Variants in C3 observed in about 807,000 individuals in gnomAD.
C3 encodes complement C3.
In C3, 97 loss-of-function variants were observed where a neutral mutation model predicts 207.9. That is an observed-to-expected ratio of 0.47 (90% CI 0.40 to 0.55). The LOEUF (loss-of-function observed/expected upper bound fraction) is 0.55. Among genes scored for constraint, C3 ranks in the 20% least tolerant of loss-of-function variants. The probability of loss-of-function intolerance (pLI) is 0.00; values close to 1 mark genes in which losing one functional copy is unlikely to be tolerated. For synonymous variants in C3, 848 were observed against 857.6 expected, an observed-to-expected ratio of 0.99 and a Z score of 0.20; for missense variants, 1,684 against 2,171.7, an observed-to-expected ratio of 0.78 and a Z score of 4.46.
intron 19 of C3, 96 bp from the exon 20 acceptor site, chr19:6,697,890 C>T (rs1568217732): frequency 8.2e-7 from 1 of 1,224,756 alleles, no homozygotes; most frequent in East Asian, 2.6e-5. Context: ...CGCAGGAGCT[C>T]TCCCTAACTC....
At chr19:6,694,965 A>C (rs1293714186) in intron 23 of C3, among the ~76,000 whole-genome samples, 4 of 152,084 alleles carry the variant, frequency 2.6e-5, no homozygotes, top group Non-Finnish European at 5.9e-5. Context: ...AATACCATAG[A>C]GTGTCTCACT....
At chr19:6,686,594 G>A in intron 28 of C3, 152 bp downstream of exon 28, 1 of 885,010 alleles carries the variant, frequency 1.1e-6, no homozygotes, top group African/African-American at 1.6e-5. Context: ...TCAGGGTTAT[G>A]CATCCCAGCT....
At position 6,692,872 on chromosome 19, in the gene C3, C is replaced by A. The variant is rs369541098; in HGVS notation, c.3390+52G>T. 1.3e-5 allele frequency: 21 copies of A among 1,594,262 alleles called. No individual in the cohort carries two copies. In the African/African-American group the frequency reaches 2.8e-4, roughly 21 times the overall value. Reference sequence around the variant, plus strand: ...GGGGCTCTCTCTCGTGTTCATCCTGCGAGACTCAGGAGCCCCTCTCTTCCA... The same window carrying A: ...GGGGCTCTCTCTCGTGTTCATCCTGAGAGACTCAGGAGCCCCTCTCTTCCA... On this transcript the variant is annotated intron_variant, in intron 26 of 40. Coordinates refer to ENST00000245907, the MANE Select transcript of C3 (RefSeq NM_000064.4).
In C3 at chr19:6,707,195, C is replaced by T. The variant is rs1967798228; in HGVS notation, c.2126G>A (p.Arg709His). The change falls in exon 17 of 41, where the codon CGC becomes CAC. Residue 709 changes from arginine (R) to histidine (H), a missense_variant. Arg to His is a conservative substitution (Grantham distance 29, BLOSUM62 0). Coordinates refer to ENST00000245907, the MANE Select transcript of C3 (RefSeq NM_000064.4). Reference sequence around the variant, plus strand: ...GCCCAGGGAGATGAAACGGGTCCGGCGCTGGCACGAGAACCTCATGGGGTT... The same window carrying T: ...GCCCAGGGAGATGAAACGGGTCCGGTGCTGGCACGAGAACCTCATGGGGTT... ...RENPMRFSCQ[R>H]RTRFISLGEA... 6.2e-7 allele frequency: 1 copy of T among 1,613,774 alleles called. No individual in the cohort carries two copies. Among genetic ancestry groups the T allele is most frequent in the Non-Finnish European group, 8.5e-7 (1 of 1,179,894 alleles).
Position 6,707,834 on chromosome 19 carries a change from C to G in C3, c.1941G>C (p.Thr647=), listed in dbSNP as rs772989171. ...GVFSDAGLTF[T]SSSGQQTAQR... ...GGGCGGTCTGCTGGCCACTGCTGCT[C>G]GTGAAGGTCAGCCCTGCGTCGGAGA... Residue 647 remains threonine (T), a synonymous_variant, in exon 15 of 41, where the codon ACG becomes ACC. Transcript: ENST00000245907. The G allele has an allele frequency of 6.2e-7, 1 of 1,613,896 alleles. No individual in the cohort carries two copies. The highest frequency in any genetic ancestry group is 8.5e-7 in the Non-Finnish European group (1 of 1,180,014).
Position 6,707,497 on chromosome 19 carries a change from G to A in C3, c.2016C>T (p.Ser672=), listed in dbSNP as rs1394781087. ...CCATTCGCTTCTCCGTGAGCTGCAC[G>A]GAACGGCGTCGGCGGGCGGCTGGCT... is the stretch of plus-strand genomic sequence containing the variant. The part of the protein sequence containing the change: ...CPQPAARRRR[S]VQLTEKRMDK... Residue 672 remains serine, a synonymous_variant, in exon 16 of 41, where the codon TCC becomes TCT. Transcript: ENST00000245907. The A allele has an allele frequency of 3.7e-6, 6 of 1,614,006 alleles. No individual in the cohort carries two copies. The highest frequency in any genetic ancestry group is 2.2e-5 in the South Asian group (2 of 91,082).
chr19:6,692,034 A>T (rs112347600), intron 26 of C3, among the ~76,000 whole-genome samples: 16,101 of 141,170 alleles, frequency 0.11, 1,030 homozygotes, highest in Non-Finnish European at 0.13. Context: ...ACACACACAC[A>T]CTCACACCCC....
At position 6,718,337 on chromosome 19, in the gene C3, G is replaced by T. The variant is rs1968087411; in HGVS notation, c.343C>A (p.Gln115Lys). Residue 115 changes from glutamine (Q) to lysine (K), a missense_variant, in exon 3 of 41, where the codon CAA (glutamine) becomes AAA (lysine). By Grantham distance (53) the Gln-to-Lys change is moderately conservative. Coordinates refer to ENST00000245907, the MANE Select transcript of C3 (RefSeq NM_000064.4). ...FVTVQATFGT[Q>K]VVEKVVLVSL... ...ACCAGCACCACCTTCTCCACCACTTGGGTCCCGAAGGTGGCCTGCACGGTC... is the reference window on the plus strand; with the variant it reads ...ACCAGCACCACCTTCTCCACCACTTTGGTCCCGAAGGTGGCCTGCACGGTC... 2 of 1,614,096 alleles carry T rather than the reference G, an allele frequency of 1.2e-6. No individual in the cohort carries two copies. The highest frequency in any genetic ancestry group is 8.5e-7 in the Non-Finnish European group (1 of 1,180,040).
intron 35 of C3, 143 bp downstream of exon 35, chr19:6,681,798 A>G (rs1917868709): frequency 1.4e-6 from 1 of 740,500 alleles, no homozygotes; most frequent in South Asian, 1.5e-5. Flanking sequence ...TCCTTCCCCT[A>G]CAACTCAGCA....
At position 6,684,599 on chromosome 19, in the gene C3, A is replaced by C; in HGVS notation, c.4081T>G (p.Phe1361Val). Residue 1361 changes from phenylalanine to valine, a missense_variant, in exon 32 of 41, where the codon TTC (phenylalanine) becomes GTC (valine). This residue lies in a region of C3 where 346 missense variants were observed against 380.1 expected (regional missense o/e 0.91). Transcript: ENST00000245907. ...GGTTTTATGGTGACCTTGAGGTCGA[A>C]TTTATTACAGGTGAGTTGATCTTTG... ...KAKDQLTCNK[F>V]DLKVTIKPAP... The C allele has an allele frequency of 6.2e-7, 1 of 1,614,142 alleles. No individual in the cohort carries two copies. Among genetic ancestry groups the C allele is most frequent in the Non-Finnish European group, 8.5e-7 (1 of 1,180,016 alleles).
At chr19:6,679,011 C>T (rs1174551874) in intron 38 of C3, 114 bp downstream of exon 38, 1 of 800,424 alleles carries the variant, frequency 1.2e-6, no homozygotes, top group Non-Finnish European at 2.2e-6. Context: ...ACACACACCA[C>T]AGTCACCCAC....
chr19:6,719,131 GA>G lies in C3; in HGVS notation c.267+79del, dbSNP rs1277325880. Reference sequence around the variant, plus strand: ...GCAGGGCTTAGAAAGGGAGAAGACAGAAGGGGAGGGGCTCAGGAGGAGGGGG... The same window carrying G: ...GCAGGGCTTAGAAAGGGAGAAGACAGAGGGGAGGGGCTCAGGAGGAGGGGG... On this transcript the variant is annotated intron_variant, in intron 2 of 40. Coordinates refer to ENST00000245907, the MANE Select transcript of C3 (RefSeq NM_000064.4). The surrounding 1 kb of genome is among the most constrained non-coding windows in gnomAD (Gnocchi z 5.4). 9.5e-6 allele frequency: 12 copies of G among 1,259,526 alleles called. No homozygotes were observed. The Admixed American group carries it at 2.0e-4, about 21-fold the overall frequency. The allele number at this position is 1,259,526 out of a possible 1,614,324, so 78.0% of individuals were successfully genotyped here. A position where few individuals can be genotyped will look rare whatever the true frequency, so the allele number is the denominator to read the frequency against.
chr19:6,713,109 GCTTT>G, intron 9 of C3, 76 bp downstream of exon 9: 1 of 1,549,010 alleles, frequency 6.5e-7, no homozygotes, highest in Non-Finnish European at 8.9e-7. Flanking sequence ...CTTAGACTAG[GCTTT>G]CTCTTCTGAC....
At chr19:6,698,996 A>G (rs1967595215) in intron 19 of C3, among the ~76,000 whole-genome samples, 1 of 151,704 alleles carries the variant, frequency 6.6e-6, no homozygotes, top group Admixed American at 6.6e-5. Flanking sequence ...GGGTTTCACC[A>G]TGTTGGCCAG....
Position 6,713,981 on chromosome 19 carries a change from C to T in C3, c.773+11G>A, listed in dbSNP as rs778438454. On this transcript the variant is annotated intron_variant, in intron 7 of 40. Transcript: ENST00000245907. ...CCTGGCTCTTACCTGGCCCCACCCC[C>T]AGTCCCTCACCTGGCGGTGATGGTG... 19 of 1,594,448 alleles carry T rather than the reference C, an allele frequency of 1.2e-5. No individual in the cohort carries two copies. Among genetic ancestry groups the T allele is most frequent in the Non-Finnish European group, 1.5e-5 (18 of 1,167,672 alleles).
chr19:6,702,484 G>A lies in C3; in HGVS notation c.2341C>T (p.Pro781Ser). Residue 781 changes from proline to serine, a missense_variant, in exon 18 of 41, where the codon CCA becomes TCA. By Grantham distance (74) the Pro-to-Ser change is moderately conservative. Around this residue, in one of 3 missense-constraint regions of C3, gnomAD observed 1,280 missense variants for 1,739.1 expected, o/e 0.74. Coordinates refer to ENST00000245907, the MANE Select transcript of C3 (RefSeq NM_000064.4). Reference sequence around the variant, plus strand: ...CCCCGGCCTTACCCATTTTTCGGTGGCTCTTTCAAGTCCTCAACGTTCCAC... The same window carrying A: ...CCCCGGCCTTACCCATTTTTCGGTGACTCTTTCAAGTCCTCAACGTTCCAC... Reference protein sequence around the residue: ...WLWNVEDLKEPPKNGISTKLM... With the variant: ...WLWNVEDLKESPKNGISTKLM... The A allele has an allele frequency of 6.2e-7, 1 of 1,612,170 alleles. No individual in the cohort carries two copies. The highest frequency in any genetic ancestry group is 8.5e-7 in the Non-Finnish European group (1 of 1,178,182).
chr19:6,695,351 C>G (rs1967509704), intron 23 of C3, among the ~76,000 whole-genome samples: 1 of 152,134 alleles, frequency 6.6e-6, no homozygotes, highest in Admixed American at 6.6e-5. Context: ...AAAACCAAGG[C>G]TCTTGCCCCA....
chr19:6,719,354 T>C lies in C3; in HGVS notation c.124A>G (p.Met42Val), dbSNP rs1968117728. ...NILRLESEET[M>V]VLEAHDAQGD... ...TGCGCGTCGTGGGCCTCCAGCACCA[T>C]GGTCTCCTCGCTCTCCAGCCGCAAG... The change falls in exon 2 of 41, where the codon ATG becomes GTG. Residue 42 changes from methionine (M) to valine (V), a missense_variant. Transcript: ENST00000245907. The surrounding 1 kb of genome is among the most constrained non-coding windows in gnomAD (Gnocchi z 5.4). The C allele has an allele frequency of 6.2e-7, 1 of 1,613,920 alleles. No individual in the cohort carries two copies.
chr19:6,707,420 C>T (rs1262895708), intron 16 of C3, 46 bp downstream of exon 16: 2 of 1,610,130 alleles, frequency 1.2e-6, no homozygotes, highest in South Asian at 1.1e-5. Flanking sequence ...GCTGGGGTCT[C>T]CTGGGGTGGG....
Sources: gnomAD v4.1 joint callset for allele counts (sites outside exome capture counted in the v4.1 genomes callset) on GRCh38, gnomAD v4.1.1 for gene constraint, gnomAD v4.1.1 regional missense constraint, Gnocchi (gnomAD v3.1) non-coding constraint, MANE v1.5 for transcripts, NCBI Gene and HGNC (gene_info 2026-07-23, HGNC 2026-07-21) for gene names.